Variants in HSD17B10 observed in about 807,000 individuals in gnomAD.
HSD17B10 encodes the protein 3-hydroxyacyl-CoA dehydrogenase type-2.
For synonymous variants in HSD17B10, 90 were observed against 85.9 expected, an observed-to-expected ratio of 1.05 and a Z score of -0.26; for missense variants, 87 against 219.4, an observed-to-expected ratio of 0.40 and a Z score of 3.81.
chrX:53,431,967 G>GT, intron 4 of HSD17B10, 21 bp downstream of exon 4: 10 of 1,211,342 alleles, frequency 8.3e-6, no homozygotes, highest in Non-Finnish European at 1.0e-5. Context: ...GGAGGCATAA[G>GT]TCTTACCCCT....
At chrX:53,434,164 G>T in intron 1 of HSD17B10, 155 bp downstream of exon 1, 1 of 615,422 alleles carries the variant, frequency 1.6e-6, no homozygotes. Context: ...GCGCCGCGGA[G>T]TGCTGACTTT....
rs782489234 is a variant in HSD17B10 at position 53,431,586 on chromosome X, C to A, written c.604G>T (p.Gly202Cys). 1 of 1,201,756 alleles carries A rather than the reference C, an allele frequency of 8.3e-7. No homozygotes were observed. Among genetic ancestry groups the A allele is most frequent in the South Asian group, 1.8e-5 (1 of 55,757 alleles). ...GGGAGGCTGGTCAGCAGTGGGGTGC[C>A]AAACAGACCTAAACAATATAGCCAA... ...RVMTIAPGLF[G>C]TPLLTSLPEK... is the part of the protein sequence containing the mutation. Residue 202 changes from glycine (G) to cysteine (C), a missense_variant, in exon 6 of 6, where the codon GGC becomes TGC. Transcript: ENST00000168216.
chrX:53,431,557 C>T lies in HSD17B10; in HGVS notation c.633G>A (p.Glu211=), dbSNP rs1602426370. 5 of 1,209,187 alleles carry T rather than the reference C, an allele frequency of 4.1e-6. No individual in the cohort carries two copies. The highest frequency in any genetic ancestry group is 4.5e-6 in the Non-Finnish European group (4 of 894,000). ...FGTPLLTSLP[E]KVCNFLASQV... is the part of the protein sequence containing the mutation. ...GGCTGGCCAAGAAGTTGCACACTTTCTCTGGGAGGCTGGTCAGCAGTGGGG... is the reference window on the plus strand; with the variant it reads ...GGCTGGCCAAGAAGTTGCACACTTTTTCTGGGAGGCTGGTCAGCAGTGGGG... The change falls in exon 6 of 6, where the codon GAG becomes GAA. Residue 211 remains glutamate (E), a synonymous_variant. Coordinates refer to ENST00000168216, the MANE Select transcript of HSD17B10 (RefSeq NM_004493.3).
At chrX:53,433,681 C>T (rs782792460) in intron 2 of HSD17B10, 41 bp downstream of exon 2, 1 of 1,169,736 alleles carries the variant, frequency 8.5e-7, no homozygotes, top group Non-Finnish European at 1.2e-6. Flanking sequence ...GTGTTGGTGA[C>T]CTCATGCACA....
intron 2 of HSD17B10, chrX:53,433,069 A>C (rs1394946467): frequency 9.9e-5 from 12 of 121,161 alleles, no homozygotes; most frequent in African/African-American, 3.9e-4. Context: ...CGGGCGGATC[A>C]CGTGAGATCA....
At chrX:53,434,000 G>A in intron 1 of HSD17B10, 114 bp from the exon 2 acceptor site, 1 of 876,329 alleles carries the variant, frequency 1.1e-6, no homozygotes, top group East Asian at 3.4e-5. Context: ...AGAGGTCGTG[G>A]TCACCCCTGC....
chrX:53,433,571 A>C, intron 2 of HSD17B10, 151 bp downstream of exon 2: 1 of 529,344 alleles, frequency 1.9e-6, no homozygotes, highest in Non-Finnish European at 3.3e-6. Context: ...AGGTGGTCCC[A>C]CAGTGCTTGA....
At chrX:53,431,964 TAA>T (rs781855242) in intron 4 of HSD17B10, 22 bp downstream of exon 4, 2 of 1,211,035 alleles carry the variant, frequency 1.7e-6, no homozygotes, top group Non-Finnish European at 1.1e-6. Flanking sequence ...TTAGGAGGCA[TAA>T]GTCTTACCCC....
Position 53,434,352 on chromosome X carries a change from G to A in HSD17B10, c.-7C>T. On this transcript the variant is annotated 5_prime_UTR_variant, in exon 1 of 6. Coordinates refer to ENST00000168216, the MANE Select transcript of HSD17B10 (RefSeq NM_004493.3). ...TCCGACACGCTGCTGCCATCTTGTC[G>A]CCGGCCACTCCACGGGATGGGGATG... 8.6e-7 allele frequency: 1 copy of A among 1,168,030 alleles called. No homozygotes were observed. The highest frequency in any genetic ancestry group is 1.1e-6 in the Non-Finnish European group (1 of 872,993).
At chrX:53,434,013 G>A in intron 1 of HSD17B10, 127 bp from the exon 2 acceptor site, 1 of 766,168 alleles carries the variant, frequency 1.3e-6, no homozygotes. Context: ...ACCCCTGCGG[G>A]TAAACTAGGT....
At position 53,434,046 on chromosome X, in the gene HSD17B10, G is replaced by A. The variant is rs782642431; in HGVS notation, c.28-160C>T. 218 of 618,426 alleles carry A rather than the reference G, an allele frequency of 3.5e-4. No homozygotes were observed. In the African/African-American group the frequency reaches 4.5e-3, roughly 13 times the overall value. 51.0% of individuals were successfully genotyped at this position (618,426 alleles called of 1,213,427 possible). On this transcript the variant is annotated intron_variant, in intron 1 of 5. Transcript: ENST00000168216. ...GGTGTGCTGCTTCTCCTCAGCGTTGGGACCTCGGGGGCAGAAGGGATCTCA... is the reference window on the plus strand; with the variant it reads ...GGTGTGCTGCTTCTCCTCAGCGTTGAGACCTCGGGGGCAGAAGGGATCTCA...
At chrX:53,433,604 G>A in intron 2 of HSD17B10, 118 bp downstream of exon 2, 3 of 664,616 alleles carry the variant, frequency 4.5e-6, no homozygotes, top group South Asian at 2.3e-5. Flanking sequence ...AAAGAGACAA[G>A]GAGATGGGTC....
At position 53,432,386 on chromosome X, in the gene HSD17B10, G is replaced by C. The variant is rs794729644; in HGVS notation, c.218C>G (p.Thr73Arg). The change falls in exon 3 of 6, where the codon ACA becomes AGA. Residue 73 changes from threonine (T) to arginine (R), a missense_variant. Thr to Arg is a moderately conservative substitution (Grantham distance 71). Transcript: ENST00000168216. ...ADVTSEKDVQ[T>R]ALALAKGKFG... ...CTTTCCTTTTGCTAGAGCCAGAGCT[G>C]TTTGCACATCCTTCTCAGAGGTCAC... The C allele has an allele frequency of 5.8e-6, 7 of 1,209,316 alleles. No homozygotes were observed. Among genetic ancestry groups the C allele is most frequent in the Non-Finnish European group, 7.8e-6 (7 of 894,267 alleles).
chrX:53,433,834 G>A lies in HSD17B10; in HGVS notation c.80C>T (p.Ala27Val). The A allele has an allele frequency of 8.3e-7, 1 of 1,210,995 alleles. No homozygotes were observed. The highest frequency in any genetic ancestry group is 1.1e-6 in the Non-Finnish European group (1 of 894,782). Reference protein sequence around the residue: ...GGASGLGLATAERLVGQGASA... With the variant: ...GGASGLGLATVERLVGQGASA... The stretch of plus-strand genomic sequence containing the variant: ...GGCTCCCTGCCCCACAAGTCGCTCC[G>A]CCGTGGCCAGGCCCAGGCCCGAGGC... The change falls in exon 2 of 6, where the codon GCG (alanine) becomes GTG (valine). Residue 27 changes from alanine (A) to valine (V), a missense_variant. Coordinates refer to ENST00000168216, the MANE Select transcript of HSD17B10 (RefSeq NM_004493.3).
At chrX:53,434,185 G>T in intron 1 of HSD17B10, 134 bp downstream of exon 1, 1 of 763,708 alleles carries the variant, frequency 1.3e-6, no homozygotes, top group South Asian at 2.2e-5. Context: ...CACCTCTTGA[G>T]CCCAACGGCC....
intron 1 of HSD17B10, 67 bp downstream of exon 1, chrX:53,434,252 T>G: frequency 9.0e-7 from 1 of 1,105,510 alleles, no homozygotes; most frequent in Admixed American, 2.6e-5. Flanking sequence ...CTCTTTCTCC[T>G]AGTTCCACGG....
At chrX:53,434,241 T>C in intron 1 of HSD17B10, 78 bp downstream of exon 1, 1 of 1,076,960 alleles carries the variant, frequency 9.3e-7, no homozygotes. Flanking sequence ...TCGAAACCGA[T>C]CTCTTTCTCC....
In HSD17B10 at chrX:53,431,307, A is replaced by G. The variant is rs1230687871; in HGVS notation, c.*97T>C. The stretch of plus-strand genomic sequence containing the variant: ...TAGGCACAGAGGGCGACTGGTAGGC[A>G]GTTACAAAATGGCTACTGGGCTTCC... On this transcript the variant is annotated 3_prime_UTR_variant, in exon 6 of 6. Transcript: ENST00000168216. The G allele has an allele frequency of 1.6e-5, 13 of 809,477 alleles. No individual in the cohort carries two copies. Among genetic ancestry groups the G allele is most frequent in the Non-Finnish European group, 2.4e-5 (13 of 542,730 alleles). 66.7% of individuals were successfully genotyped at this position (809,477 alleles called of 1,213,427 possible). A position where few individuals can be genotyped will look rare whatever the true frequency, so the allele number is the denominator to read the frequency against.
intron 2 of HSD17B10, chrX:53,432,767 G>A (rs1556894746): frequency 3.8e-6 from 1 of 261,744 alleles, no homozygotes; most frequent in Non-Finnish European, 7.1e-6. Context: ...AGAATCGCTT[G>A]AACCCGGGAG....
Sources: allele counts gnomAD v4.1 joint callset, GRCh38; gene constraint gnomAD v4.1.1; transcripts MANE v1.5; gene names NCBI Gene and HGNC (gene_info 2026-07-23, HGNC 2026-07-21).